The following TBC1D32 variants were observed in gnomAD, a reference collection of about 807,000 sequenced individuals.
TBC1D32 encodes TBC1 domain family member 32.
TBC1D32 carries 151 observed loss-of-function variants against 170.3 expected under a neutral mutation model. The ratio of observed to expected loss-of-function variants is 0.89; its 90% CI spans 0.78 to 1.01. The LOEUF (loss-of-function observed/expected upper bound fraction) is 1.01. Among genes scored for constraint, TBC1D32 ranks in the 50% least tolerant of loss-of-function variants. The pLI is 0.00. For synonymous variants in TBC1D32, 498 were observed against 488.0 expected (o/e 1.02, Z -0.27); for missense variants, 1,464 against 1,457.1 (o/e 1.00, Z -0.08).
chr6:121,160,171 T>A, intron 23 of TBC1D32, 68 bp from the exon 24 acceptor site: 1 of 1,045,022 alleles, frequency 9.6e-7, no homozygotes, highest in Non-Finnish European at 1.4e-6. Context: ...TAAAGCTATC[T>A]GAAATATTGT....
intron 20 of TBC1D32, chr6:121,224,436 A>C (rs1672574140): frequency 6.6e-6 from 1 of 152,152 alleles, no homozygotes; most frequent in South Asian, 2.1e-4. Flanking sequence ...AGAACCAGAC[A>C]TACTGAGATA....
chr6:121,282,965 AT>A (rs960723631), intron 13 of TBC1D32, among the ~76,000 whole-genome samples: 3 of 151,726 alleles, frequency 2.0e-5, no homozygotes, highest in East Asian at 3.9e-4. Context: ...TTAGTTTCAT[AT>A]TTTTTTAAAT....
At chr6:121,131,554 C>A in intron 25 of TBC1D32, 73 bp downstream of exon 25, 9 of 1,486,014 alleles carry the variant, frequency 6.1e-6, no homozygotes, top group African/African-American at 1.4e-5. Context: ...CAATACTAAT[C>A]TTTAAGAACC....
chr6:121,118,694 C>T (rs1214704827), intron 26 of TBC1D32, among the ~76,000 whole-genome samples: 2 of 152,138 alleles, frequency 1.3e-5, no homozygotes, highest in East Asian at 3.8e-4. Context: ...TCCTAATGCC[C>T]TCCCTTACCT....
intron 26 of TBC1D32, among the ~76,000 whole-genome samples, chr6:121,120,597 A>G (rs893089159): frequency 6.6e-6 from 1 of 151,976 alleles, no homozygotes; most frequent in Non-Finnish European, 1.5e-5. Flanking sequence ...TTTTATGTTC[A>G]TTCATAAGTT....
chr6:121,314,899 T>G (rs1210811264), intron 3 of TBC1D32, among the ~76,000 whole-genome samples: 1 of 152,208 alleles, frequency 6.6e-6, no homozygotes, highest in African/African-American at 2.4e-5. Flanking sequence ...AAAGCTAACC[T>G]GTATAAAGCA....
chr6:121,304,137 A>AT (rs1209284532), intron 8 of TBC1D32, among the ~76,000 whole-genome samples: 11 of 150,508 alleles, frequency 7.3e-5, no homozygotes, highest in Non-Finnish European at 1.2e-4. Context: ...CTAATGCTAC[A>AT]TTTTTTTTAC....
chr6:121,297,549 G>A (rs1030637663), intron 10 of TBC1D32, among the ~76,000 whole-genome samples: 3 of 151,956 alleles, frequency 2.0e-5, no homozygotes, highest in South Asian at 2.1e-4. Flanking sequence ...TATTTAGGCC[G>A]ACAGCCAAAA....
intron 26 of TBC1D32, among the ~76,000 whole-genome samples, chr6:121,120,114 C>T (rs924713948): frequency 2.0e-5 from 3 of 151,994 alleles, no homozygotes; most frequent in Admixed American, 2.0e-4. Flanking sequence ...TAGCAACAAG[C>T]TCAGTATATC....
At chr6:121,179,123 A>C (rs1163766717) in intron 22 of TBC1D32, among the ~76,000 whole-genome samples, 1 of 152,110 alleles carries the variant, frequency 6.6e-6, no homozygotes, top group African/African-American at 2.4e-5. Context: ...AAGTATGATA[A>C]TGCTATTTGG....
chr6:121,105,989 G>C (rs1778642987), intron 30 of TBC1D32, 34 bp downstream of exon 30: 2 of 1,547,452 alleles, frequency 1.3e-6, no homozygotes, highest in Non-Finnish European at 1.8e-6. Context: ...CTGAGATAAA[G>C]GAGTTGGAGA....
intron 2 of TBC1D32, among the ~76,000 whole-genome samples, chr6:121,320,982 C>T (rs1809627799): frequency 6.6e-6 from 1 of 152,128 alleles, no homozygotes. Context: ...CCACCTTGTA[C>T]CCTGAGATGC....
At chr6:121,325,169 G>A (rs1810284568) in intron 1 of TBC1D32, among the ~76,000 whole-genome samples, 1 of 145,948 alleles carries the variant, frequency 6.9e-6, no homozygotes, top group Non-Finnish European at 1.5e-5. Flanking sequence ...CCGAGATTGT[G>A]CCATTACACT....
rs183523584 is a variant in TBC1D32, at chr6:121,232,328, T to C, written c.2364+6742A>G. ...CACGTCATTCTGTTAACTGTAGCCT[T>C]GTAAAATAATGTGAAGTTGGGTAAT... On this transcript the variant is annotated intron_variant, in intron 20 of 31. Transcript: ENST00000398212. 1.4e-3 allele frequency among the ~76,000 whole-genome samples: 207 copies of C among 152,288 alleles called. 1 individual carries two copies. Among genetic ancestry groups the C allele is most frequent in the African/African-American group, 4.9e-3 (203 of 41,570 alleles).
intron 22 of TBC1D32, among the ~76,000 whole-genome samples, chr6:121,194,778 G>C (rs1426706765): frequency 6.6e-6 from 1 of 152,188 alleles, no homozygotes; most frequent in Non-Finnish European, 1.5e-5. Context: ...ATCTTACCCA[G>C]AGAGAACTTG....
At chr6:121,089,146 C>T (rs536718459) in intron 31 of TBC1D32, among the ~76,000 whole-genome samples, 8 of 152,074 alleles carry the variant, frequency 5.3e-5, no homozygotes, top group Admixed American at 1.3e-4. Context: ...TATTTATTTA[C>T]ATTATTTACT....
chr6:121,317,317 A>C (rs1296086484), intron 3 of TBC1D32, among the ~76,000 whole-genome samples, 178 bp downstream of exon 3: 1 of 152,142 alleles, frequency 6.6e-6, no homozygotes, highest in Non-Finnish European at 1.5e-5. Flanking sequence ...TACTCACCAA[A>C]TATAATTCTA....
chr6:121,181,570 T>C (rs1002702757), intron 22 of TBC1D32, among the ~76,000 whole-genome samples: 3 of 152,110 alleles, frequency 2.0e-5, no homozygotes, highest in African/African-American at 7.2e-5. Context: ...GGTATTTCTT[T>C]GTATCAGTGT....
chr6:121,255,048 G>A (rs947060794), intron 17 of TBC1D32, among the ~76,000 whole-genome samples: 6 of 151,832 alleles, frequency 4.0e-5, no homozygotes, highest in Non-Finnish European at 7.4e-5. Flanking sequence ...TTGGTATTTG[G>A]TAATTCTCCA....
Sources: allele counts gnomAD v4.1 joint callset (sites outside exome capture counted in the v4.1 genomes callset), GRCh38; gene constraint gnomAD v4.1.1; transcripts MANE v1.5; gene names NCBI Gene and HGNC (gene_info 2026-07-23, HGNC 2026-07-21).